CTIF: variants seen among roughly 807,000 people sequenced by gnomAD.
The protein encoded by CTIF is CBP80/20-dependent translation initiation factor.
Under a neutral mutation model 66.0 loss-of-function variants are expected in CTIF, and 21 were observed. That is an observed-to-expected ratio of 0.32 (90% CI 0.23 to 0.46). The LOEUF (loss-of-function observed/expected upper bound fraction) is 0.46, where lower values mean the gene tolerates loss of function less well. Among genes scored for constraint, CTIF ranks in the 20% least tolerant of loss-of-function variants. The probability of loss-of-function intolerance (pLI) is 1.00; values close to 1 mark genes in which losing one functional copy is unlikely to be tolerated. For missense variants in CTIF, 739 were observed against 812.7 expected (o/e 0.91, Z 1.10); for synonymous variants, 345 against 326.4 (o/e 1.06, Z -0.62).
chr18:48,660,432 G>T (rs921467992), intron 3 of CTIF, among the ~76,000 whole-genome samples: 14 of 152,210 alleles, frequency 9.2e-5, no homozygotes, highest in Non-Finnish European at 1.6e-4. Flanking sequence ...ACGGAAGGGT[G>T]GGCTTCCTCT....
At chr18:48,660,674 A>G (rs2144874655) in intron 3 of CTIF, among the ~76,000 whole-genome samples, 1 of 152,356 alleles carries the variant, frequency 6.6e-6, no homozygotes, top group Non-Finnish European at 1.5e-5. Context: ...CTCTCTGCAC[A>G]GGGGCATTGG....
intron 1 of CTIF, among the ~76,000 whole-genome samples, chr18:48,602,758 G>T (rs1353994754): frequency 6.6e-6 from 1 of 152,194 alleles, no homozygotes; most frequent in Non-Finnish European, 1.5e-5. Flanking sequence ...TACCAAGCTT[G>T]AGTTAGTGTT....
intron 7 of CTIF, among the ~76,000 whole-genome samples, chr18:48,723,609 C>G (rs534437257): frequency 1.4e-4 from 22 of 152,302 alleles, no homozygotes; most frequent in African/African-American, 4.8e-4. Flanking sequence ...GGGGAGGCAG[C>G]CCGGCCAGAG....
At chr18:48,841,750 C>T (rs957210212) in intron 10 of CTIF, among the ~76,000 whole-genome samples, 3 of 151,494 alleles carry the variant, frequency 2.0e-5, no homozygotes, top group Non-Finnish European at 4.4e-5. Flanking sequence ...TCTCCTCAGC[C>T]GGTGTTATCC....
At chr18:48,846,873 G>A (rs1396044154) in intron 10 of CTIF, among the ~76,000 whole-genome samples, 4 of 152,114 alleles carry the variant, frequency 2.6e-5, no homozygotes, top group African/African-American at 7.2e-5. Context: ...ATGGATGGAT[G>A]AGTAGGCAAG....
intron 10 of CTIF, among the ~76,000 whole-genome samples, chr18:48,833,249 G>A (rs1435767475): frequency 2.0e-5 from 3 of 152,206 alleles, no homozygotes; most frequent in South Asian, 4.1e-4. Context: ...GAATCCCAGG[G>A]CCAGAGTTGA....
intron 10 of CTIF, among the ~76,000 whole-genome samples, chr18:48,824,743 C>T (rs1333477817): frequency 2.6e-5 from 4 of 152,022 alleles, no homozygotes; most frequent in East Asian, 3.9e-4. Context: ...CGGGTTCAAG[C>T]GATTCTTCTG....
At chr18:48,647,248 C>T (rs2144729675) in intron 3 of CTIF, among the ~76,000 whole-genome samples, 1 of 152,162 alleles carries the variant, frequency 6.6e-6, no homozygotes, top group African/African-American at 2.4e-5. Context: ...CTTGAGAGGG[C>T]AAAGTAATAG....
chr18:48,622,016 G>A (rs2090503345), intron 2 of CTIF, among the ~76,000 whole-genome samples: 1 of 152,204 alleles, frequency 6.6e-6, no homozygotes, highest in African/African-American at 2.4e-5. Context: ...CTCTCCAGCG[G>A]CTTGCGGCCA....
chr18:48,840,839 C>T (rs895957384), intron 10 of CTIF, among the ~76,000 whole-genome samples: 3 of 152,092 alleles, frequency 2.0e-5, no homozygotes, highest in Admixed American at 1.3e-4. Context: ...CCCTCCAACC[C>T]AGCTCCTGCC....
At chr18:48,786,388 G>A (rs766732896) in intron 9 of CTIF, among the ~76,000 whole-genome samples, 6 of 152,160 alleles carry the variant, frequency 3.9e-5, no homozygotes, top group South Asian at 2.1e-4. Flanking sequence ...CTCAGGAGCC[G>A]CATTCCTGCC....
At chr18:48,631,232 G>A (rs1044683430) in intron 2 of CTIF, among the ~76,000 whole-genome samples, 5 of 152,198 alleles carry the variant, frequency 3.3e-5, no homozygotes, top group South Asian at 2.1e-4. Flanking sequence ...GGGAGGCCAA[G>A]GCAGGTGGAT....
intron 3 of CTIF, among the ~76,000 whole-genome samples, chr18:48,647,010 C>T (rs1028657607): frequency 2.7e-5 from 4 of 150,560 alleles, no homozygotes; most frequent in Non-Finnish European, 5.9e-5. Flanking sequence ...TATGTTCACA[C>T]AAAAACTTGT....
At chr18:48,694,428 G>A (rs2091976757) in intron 6 of CTIF, among the ~76,000 whole-genome samples, 1 of 152,194 alleles carries the variant, frequency 6.6e-6, no homozygotes, top group Non-Finnish European at 1.5e-5. Context: ...TAAAGACTGA[G>A]CTTCAATATC....
At chr18:48,688,658 T>C (rs2091881102) in intron 6 of CTIF, among the ~76,000 whole-genome samples, 2 of 152,258 alleles carry the variant, frequency 1.3e-5, no homozygotes, top group Admixed American at 1.3e-4. Flanking sequence ...ACTCAGCCAC[T>C]GACTTGGGGC....
At chr18:48,788,885 A>G (rs1021859156) in intron 9 of CTIF, among the ~76,000 whole-genome samples, 1 of 152,174 alleles carries the variant, frequency 6.6e-6, no homozygotes, top group African/African-American at 2.4e-5. Context: ...GAAAGGTACT[A>G]TGACATCAGA....
chr18:48,625,215 C>T (rs71355350), intron 2 of CTIF: 1 of 984,602 alleles, frequency 1.0e-6, no homozygotes, highest in African/African-American at 1.8e-5. Flanking sequence ...GTGGACCACC[C>T]ATGAAAGGCT....
chr18:48,646,949 TTTGA>T (rs2091048543), intron 3 of CTIF, among the ~76,000 whole-genome samples: 1 of 142,356 alleles, frequency 7.0e-6, no homozygotes, highest in Non-Finnish European at 1.5e-5. Context: ...TACCATATGA[TTTGA>T]TTGAGCAATT....
At chr18:48,610,058 C>T (rs116133048) in intron 1 of CTIF, among the ~76,000 whole-genome samples, 5,013 of 150,822 alleles carry the variant, frequency 0.033, 296 homozygotes, top group African/African-American at 0.12. Context: ...AGGGCGTGGG[C>T]GGGCTGGGGG....
Sources: allele counts gnomAD v4.1 joint callset (sites outside exome capture counted in the v4.1 genomes callset), GRCh38; gene constraint gnomAD v4.1.1; transcripts MANE v1.5; gene names NCBI Gene and HGNC (gene_info 2026-07-23, HGNC 2026-07-21).